WDFY4: variants seen among roughly 807,000 people sequenced by gnomAD.
WDFY4 encodes WDFY family member 4.
In WDFY4, 169 loss-of-function variants were observed where a neutral mutation model predicts 351.9. The ratio of observed to expected loss-of-function variants is 0.48; its 90% CI spans 0.42 to 0.55. WDFY4 has a LOEUF of 0.55. WDFY4 is among the 20% of genes least tolerant of loss of function. The pLI, the probability that WDFY4 is intolerant of heterozygous loss-of-function variation, is 0.00. For missense variants in WDFY4, 3,803 were observed against 3,935.6 expected, an observed-to-expected ratio of 0.97 and a Z score of 0.90; for synonymous variants, 1,622 against 1,574.6, an observed-to-expected ratio of 1.03 and a Z score of -0.71.
At chr10:48,904,344 C>CTGA (rs2133428384) in intron 47 of WDFY4, among the ~76,000 whole-genome samples, 1 of 152,342 alleles carries the variant, frequency 6.6e-6, no homozygotes, top group East Asian at 1.9e-4. Flanking sequence ...CTCAGCCCTG[C>CTGA]TGATCTCATA....
chr10:48,919,778 T>G (rs1412633485), intron 47 of WDFY4, among the ~76,000 whole-genome samples: 1 of 152,194 alleles, frequency 6.6e-6, no homozygotes, highest in Non-Finnish European at 1.5e-5. Flanking sequence ...ACACTCACAC[T>G]GGAGATCAGA....
intron 1 of WDFY4, among the ~76,000 whole-genome samples, chr10:48,688,059 A>G (rs1277106791): frequency 6.6e-6 from 1 of 152,188 alleles, no homozygotes; most frequent in Non-Finnish European, 1.5e-5. Context: ...CTGGGATTAC[A>G]GGCATGAGCC....
intron 44 of WDFY4, among the ~76,000 whole-genome samples, chr10:48,892,293 G>C (rs1448250702): frequency 6.6e-6 from 1 of 152,186 alleles, no homozygotes; most frequent in African/African-American, 2.4e-5. Flanking sequence ...ACCTAATCAT[G>C]ATCAAATTCA....
At chr10:48,703,975 A>C (rs537788970) in intron 1 of WDFY4, among the ~76,000 whole-genome samples, 2 of 152,270 alleles carry the variant, frequency 1.3e-5, no homozygotes, top group African/African-American at 2.4e-5. Flanking sequence ...TGCTGAGGTC[A>C]CAGGGAATCC....
chr10:48,699,065 C>T (rs1001429015), intron 1 of WDFY4, among the ~76,000 whole-genome samples: 5 of 152,202 alleles, frequency 3.3e-5, no homozygotes, highest in South Asian at 2.1e-4. Context: ...GCCCCTGCCA[C>T]GTCTCCATTT....
Position 48,822,499 on chromosome 10 carries a change from A to G in WDFY4, c.5944A>G (p.Arg1982Gly). 6.5e-7 allele frequency: 1 copy of G among 1,549,312 alleles called. No individual in the cohort carries two copies. Residue 1982 changes from arginine (R) to glycine (G), a missense_variant, in exon 35 of 62, where the codon AGG becomes GGG. This residue lies in a region of WDFY4 where 3,054 missense variants were observed against 3,148.6 expected (regional missense o/e 0.97). Transcript: ENST00000325239. ...CAGTGGGATGTTCTCGGCAGACCCCAGGCATATCCTCCTCTTCATCCTGGA... is the reference window on the plus strand; with the variant it reads ...CAGTGGGATGTTCTCGGCAGACCCCGGGCATATCCTCCTCTTCATCCTGGA... The part of the protein sequence containing the change: ...LYSGMFSADP[R>G]HILLFILEHI...
In WDFY4 at chr10:48,771,762, G is replaced by A. The variant is rs192487712; in HGVS notation, c.2554-2696G>A. Among the ~76,000 whole-genome samples the A allele has an allele frequency of 2.2e-3, 335 of 152,310 alleles. 1 individual carries two copies. Among genetic ancestry groups the A allele is most frequent in the African/African-American group, 7.6e-3 (315 of 41,554 alleles). ...TTAATCTGTGAATCCCTTGAAAGCA[G>A]GGACAGTGTCTTATTCATCTTTAAA... On this transcript the variant is annotated intron_variant, in intron 13 of 61. Coordinates refer to ENST00000325239, the MANE Select transcript of WDFY4 (RefSeq NM_001394531.1).
intron 42 of WDFY4, 135 bp from the exon 43 acceptor site, chr10:48,876,898 A>G (rs2070036056): frequency 4.7e-6 from 4 of 848,186 alleles, no homozygotes; most frequent in Non-Finnish European, 5.0e-6. Context: ...GGAGGGGCAC[A>G]GTGAGAGATC....
chr10:48,892,619 G>A (rs528946335), intron 44 of WDFY4, among the ~76,000 whole-genome samples: 1 of 152,170 alleles, frequency 6.6e-6, no homozygotes, highest in East Asian at 1.9e-4. Flanking sequence ...GATCAATGGG[G>A]ATTAAGTCTT....
At chr10:48,742,691 T>C (rs2064889969) in intron 11 of WDFY4, among the ~76,000 whole-genome samples, 4 of 152,178 alleles carry the variant, frequency 2.6e-5, no homozygotes, top group African/African-American at 9.7e-5. Flanking sequence ...GAGTATGAGC[T>C]ACAGGACAGA....
In WDFY4 at chr10:48,709,975, T is replaced by A; in HGVS notation, c.234+9T>A. On this transcript the variant is annotated intron_variant, in intron 2 of 61. Coordinates refer to ENST00000325239, the MANE Select transcript of WDFY4 (RefSeq NM_001394531.1). ...TCCCCCTATTCCTAAAGGTTAGTGT[T>A]CTTATTTTTGAAACTGTAAGGTGAT... The A allele has an allele frequency of 6.5e-7, 1 of 1,542,958 alleles. No individual in the cohort carries two copies. Among genetic ancestry groups the A allele is most frequent in the South Asian group, 1.2e-5 (1 of 83,574 alleles).
intron 27 of WDFY4, 45 bp from the exon 28 acceptor site, chr10:48,807,814 T>G: frequency 6.5e-7 from 1 of 1,535,172 alleles, no homozygotes; most frequent in Middle Eastern, 1.7e-4. Flanking sequence ...AAATATTATG[T>G]CTCTTTACAT....
At chr10:48,723,842 C>T (rs1181344035) in intron 5 of WDFY4, among the ~76,000 whole-genome samples, 1 of 152,154 alleles carries the variant, frequency 6.6e-6, no homozygotes, top group African/African-American at 2.4e-5. Context: ...TCTGCCATCA[C>T]AGGATGTAAA....
intron 25 of WDFY4, 39 bp from the exon 26 acceptor site, chr10:48,805,221 C>T (rs1311710123): frequency 1.3e-6 from 2 of 1,519,936 alleles, no homozygotes; most frequent in South Asian, 2.4e-5. Context: ...TGGTTCATTC[C>T]AGTAAAAGCT....
rs1213538697 is a variant in WDFY4, at chr10:48,813,990, C to A, written c.5248C>A (p.Gln1750Lys). ...SLDAMLQWLL[Q>K]RHHQEEVLQA... ...TGATGCCATGCTTCAGTGGCTCCTG[C>A]AGAGGCACCACCAGGAAGAAGTCCT... Residue 1750 changes from glutamine to lysine, a missense_variant, in exon 31 of 62, where the codon CAG (glutamine) becomes AAG (lysine). Gln to Lys is a moderately conservative substitution (Grantham distance 53). Around this residue, in one of 3 missense-constraint regions of WDFY4, gnomAD observed 3,054 missense variants for 3,148.6 expected, o/e 0.97. Coordinates refer to ENST00000325239, the MANE Select transcript of WDFY4 (RefSeq NM_001394531.1). 20 of 1,550,180 alleles carry A rather than the reference C, an allele frequency of 1.3e-5. No homozygotes were observed. Among genetic ancestry groups the A allele is most frequent in the Non-Finnish European group, 1.7e-5 (20 of 1,146,168 alleles).
chr10:48,829,171 G>A lies in WDFY4; in HGVS notation c.6340+275G>A, dbSNP rs185679304. Among the ~76,000 whole-genome samples, 632 of 152,292 alleles carry A rather than the reference G, an allele frequency of 4.1e-3. 4 individuals carry two copies. Among genetic ancestry groups the A allele is most frequent in the African/African-American group, 0.014 (591 of 41,560 alleles). On this transcript the variant is annotated intron_variant, in intron 37 of 61. Coordinates refer to ENST00000325239, the MANE Select transcript of WDFY4 (RefSeq NM_001394531.1). ...TGGAAAGGAATGAATCGATGCATAG[G>A]TGAAGAGAAAGCTCCATGGGACTTG...
At chr10:48,913,955 G>A in intron 47 of WDFY4, 1 of 1,614,184 alleles carries the variant, frequency 6.2e-7, no homozygotes, top group Admixed American at 1.7e-5. Context: ...TGGAGATGGA[G>A]TCAGGGATCT....
At chr10:48,875,913 C>T (rs927802699) in intron 42 of WDFY4, among the ~76,000 whole-genome samples, 3 of 152,204 alleles carry the variant, frequency 2.0e-5, no homozygotes, top group Admixed American at 2.0e-4. Flanking sequence ...TCTCGTCTCT[C>T]CACCCCAAGC....
At chr10:48,959,430 G>A (rs1391860556) in intron 52 of WDFY4, among the ~76,000 whole-genome samples, 1 of 152,194 alleles carries the variant, frequency 6.6e-6, no homozygotes, top group East Asian at 1.9e-4. Flanking sequence ...GTACAGTGCA[G>A]AGGAAGATAT....
Sources: allele counts gnomAD v4.1 joint callset (sites outside exome capture counted in the v4.1 genomes callset), GRCh38; gene constraint gnomAD v4.1.1; regional missense constraint gnomAD v4.1.1; transcripts MANE v1.5; gene names NCBI Gene and HGNC (gene_info 2026-07-23, HGNC 2026-07-21).